STK32B: variants seen among roughly 807,000 people sequenced by gnomAD.
STK32B encodes serine/threonine kinase 32B.
In STK32B, 43 loss-of-function variants were observed where a neutral mutation model predicts 52.6. The ratio of observed to expected loss-of-function variants is 0.82; its 90% CI spans 0.64 to 1.05. STK32B has a LOEUF of 1.05. STK32B is among the 50% of genes least tolerant of loss of function. The pLI, the probability that STK32B is intolerant of heterozygous loss-of-function variation, is 0.00. For missense variants in STK32B, 621 were observed against 534.6 expected (o/e 1.16, Z -1.59); for synonymous variants, 238 against 204.3 (o/e 1.17, Z -1.41).
At chr4:5,437,054 G>A (rs1350337385) in intron 6 of STK32B, among the ~76,000 whole-genome samples, 1 of 152,178 alleles carries the variant, frequency 6.6e-6, no homozygotes, top group Non-Finnish European at 1.5e-5. Context: ...AAGGAAGGAG[G>A]GTGGAAGGGT....
At chr4:5,122,154 CTTCA>C (rs1458407514) in intron 1 of STK32B, among the ~76,000 whole-genome samples, 1 of 150,094 alleles carries the variant, frequency 6.7e-6, no homozygotes, top group Non-Finnish European at 1.5e-5. Context: ...TCATTCACTC[CTTCA>C]TTCACTTATT....
At chr4:5,252,408 G>A (rs1050830512) in intron 3 of STK32B, among the ~76,000 whole-genome samples, 1 of 152,186 alleles carries the variant, frequency 6.6e-6, no homozygotes, top group African/African-American at 2.4e-5. Flanking sequence ...CCCATTAGTT[G>A]TTCCCATTGA....
At chr4:5,343,218 C>G (rs955229465) in intron 4 of STK32B, among the ~76,000 whole-genome samples, 1 of 151,158 alleles carries the variant, frequency 6.6e-6, no homozygotes, top group Non-Finnish European at 1.5e-5. Context: ...TTTGTCCTTG[C>G]AATAGTTTGC....
At chr4:5,329,848 C>T (rs1246623142) in intron 3 of STK32B, among the ~76,000 whole-genome samples, 2 of 152,212 alleles carry the variant, frequency 1.3e-5, no homozygotes, top group East Asian at 1.9e-4. Flanking sequence ...CTTTCCTGGA[C>T]CCCAGTCTCT....
At chr4:5,073,612 C>T (rs1447280) in intron 1 of STK32B, among the ~76,000 whole-genome samples, 110,921 of 151,846 alleles carry the variant, frequency 0.73, 41,130 homozygotes, top group South Asian at 0.86. Context: ...TATCATATAT[C>T]ATTTGTCTTC....
intron 3 of STK32B, among the ~76,000 whole-genome samples, chr4:5,214,076 A>G (rs186868055): frequency 7.1e-4 from 108 of 152,176 alleles, no homozygotes; most frequent in Admixed American, 1.8e-3. Flanking sequence ...CTGTGACCCC[A>G]CCCAAATCTC....
At chr4:5,390,205 C>T (rs1032658138) in intron 4 of STK32B, among the ~76,000 whole-genome samples, 8 of 152,226 alleles carry the variant, frequency 5.3e-5, no homozygotes, top group African/African-American at 1.9e-4. Flanking sequence ...GTGAGGATTA[C>T]ACAAGGAGCA....
intron 3 of STK32B, among the ~76,000 whole-genome samples, chr4:5,283,809 A>T (rs1357762068): frequency 6.6e-6 from 1 of 152,224 alleles, no homozygotes; most frequent in African/African-American, 2.4e-5. Context: ...TCACCATTAG[A>T]CCTGCAGAAA....
At chr4:5,373,055 GA>G (rs1189509556) in intron 4 of STK32B, among the ~76,000 whole-genome samples, 1 of 152,142 alleles carries the variant, frequency 6.6e-6, no homozygotes, top group Non-Finnish European at 1.5e-5. Context: ...TATAAAGCCA[GA>G]AAAAGCTTTG....
chr4:5,059,267 G>C (rs770233757), intron 1 of STK32B, among the ~76,000 whole-genome samples: 6 of 151,644 alleles, frequency 4.0e-5, no homozygotes, highest in Non-Finnish European at 7.4e-5. Flanking sequence ...ATCCTGACTG[G>C]TACACCTACC....
At chr4:5,437,895 A>T (rs1278292825) in intron 6 of STK32B, 23 of 984,744 alleles carry the variant, frequency 2.3e-5, no homozygotes, top group Admixed American at 6.2e-5. Flanking sequence ...TGGCATAGGG[A>T]TTATGATATC....
At chr4:5,413,370 G>A (rs988469063) in intron 5 of STK32B, among the ~76,000 whole-genome samples, 7 of 152,110 alleles carry the variant, frequency 4.6e-5, no homozygotes, top group African/African-American at 1.7e-4. Flanking sequence ...CTTCAGGCAG[G>A]CTTTGATCAG....
intron 4 of STK32B, among the ~76,000 whole-genome samples, chr4:5,376,587 A>G (rs992648922): frequency 6.6e-6 from 1 of 151,990 alleles, no homozygotes; most frequent in Non-Finnish European, 1.5e-5. Flanking sequence ...TTCCTCCTCC[A>G]TAAGGGCACA....
At chr4:5,197,438 A>G (rs1022018559) in intron 3 of STK32B, among the ~76,000 whole-genome samples, 1 of 152,192 alleles carries the variant, frequency 6.6e-6, no homozygotes, top group Admixed American at 6.5e-5. Flanking sequence ...GGCACCTCTT[A>G]CGACCACCCA....
intron 3 of STK32B, among the ~76,000 whole-genome samples, chr4:5,176,438 C>CT (rs34628636): frequency 0.53 from 58,956 of 111,832 alleles, 15,949 homozygotes; most frequent in East Asian, 0.63. Flanking sequence ...CGGCCATCAT[C>CT]TTTTTTTTTT....
intron 3 of STK32B, among the ~76,000 whole-genome samples, chr4:5,318,214 T>C (rs1577341447): frequency 1.3e-5 from 2 of 152,072 alleles, no homozygotes; most frequent in South Asian, 2.1e-4. Context: ...TTATTTCATG[T>C]AGGGATAAAT....
At chr4:5,347,392 C>T (rs6856115) in intron 4 of STK32B, among the ~76,000 whole-genome samples, 2 of 152,112 alleles carry the variant, frequency 1.3e-5, no homozygotes, top group African/African-American at 4.8e-5. Flanking sequence ...CATTTTAATA[C>T]CTAGAACCTG....
At chr4:5,038,004 C>A in the STK32B span, among the ~76,000 whole-genome samples, 1 of 152,180 alleles carries the variant, frequency 6.6e-6, no homozygotes. Context: ...CCCGTCCATC[C>A]TTGCTTTGCC....
At position 5,329,993 on chromosome 4, in the gene STK32B, C is replaced by CACATAG. The variant is rs1732126781; in HGVS notation, c.261-1227_261-1226insACATAG. On this transcript the variant is annotated intron_variant, in intron 3 of 11. Transcript: ENST00000282908. Reference sequence around the variant, plus strand: ...TCCCCAGGGCTGCACACCCAGGATACTGGAACATAGTGTGGGTGCATTACA... The same window carrying CACATAG: ...TCCCCAGGGCTGCACACCCAGGATACACATAGTGGAACATAGTGTGGGTGCATTACA... Among the ~76,000 whole-genome samples, 10 of 152,280 alleles carry CACATAG rather than the reference C, an allele frequency of 6.6e-5. No individual in the cohort carries two copies. The South Asian group carries it at 2.1e-3, about 32-fold the overall frequency.
Sources: allele counts gnomAD v4.1 joint callset (sites outside exome capture counted in the v4.1 genomes callset), GRCh38; gene constraint gnomAD v4.1.1; transcripts MANE v1.5; gene names NCBI Gene and HGNC (gene_info 2026-07-23, HGNC 2026-07-21).